EXOC4: variants seen among roughly 807,000 people sequenced by gnomAD.
The protein encoded by EXOC4 is SEC8-like 1.
EXOC4 carries 71 observed loss-of-function variants against 107.2 expected under a neutral mutation model. The observed-to-expected ratio is 0.66, with a 90% CI of 0.55 to 0.81. EXOC4 has a LOEUF of 0.81. Ranked by LOEUF, EXOC4 falls within the 30% of genes least tolerant of loss-of-function variation. EXOC4 has a pLI of 0.00. For synonymous variants in EXOC4, 456 were observed against 441.2 expected, an observed-to-expected ratio of 1.03 and a Z score of -0.42; for missense variants, 1,108 against 1,189.6, an observed-to-expected ratio of 0.93 and a Z score of 1.01.
intron 14 of EXOC4, among the ~76,000 whole-genome samples, chr7:133,960,158 A>G (rs1465721157): frequency 6.6e-6 from 1 of 152,182 alleles, no homozygotes; most frequent in African/African-American, 2.4e-5. Context: ...GAGGAGCAGG[A>G]TGTTGATTAG....
intron 11 of EXOC4, among the ~76,000 whole-genome samples, chr7:133,860,386 A>G (rs1222580573): frequency 6.6e-6 from 1 of 152,208 alleles, no homozygotes; most frequent in African/African-American, 2.4e-5. Flanking sequence ...CATCAAACTA[A>G]AAGTTCTGAG....
At chr7:133,705,072 A>G (rs530298708) in intron 10 of EXOC4, among the ~76,000 whole-genome samples, 13 of 152,168 alleles carry the variant, frequency 8.5e-5, no homozygotes, top group Non-Finnish European at 1.6e-4. Flanking sequence ...CTTTTTAAAA[A>G]TTAAGAGAGA....
chr7:134,072,724 A>G, the EXOC4 span, among the ~76,000 whole-genome samples: 4 of 152,198 alleles, frequency 2.6e-5, no homozygotes, highest in Non-Finnish European at 4.4e-5. Flanking sequence ...TTGAAATGGG[A>G]TAACAGTGAT....
intron 7 of EXOC4, among the ~76,000 whole-genome samples, chr7:133,471,482 A>T: frequency 6.6e-6 from 1 of 152,284 alleles, no homozygotes; most frequent in Non-Finnish European, 1.5e-5. Flanking sequence ...TTAAAATAGT[A>T]TTTTCCAGCT....
At chr7:133,275,568 T>A (rs1179070031) in intron 2 of EXOC4, among the ~76,000 whole-genome samples, 2 of 152,202 alleles carry the variant, frequency 1.3e-5, no homozygotes, top group African/African-American at 4.8e-5. Flanking sequence ...ATATTCTGAC[T>A]GTTGATTCAA....
At chr7:133,679,423 T>G (rs1411179813) in intron 10 of EXOC4, among the ~76,000 whole-genome samples, 1 of 152,298 alleles carries the variant, frequency 6.6e-6, no homozygotes, top group Middle Eastern at 3.4e-3. Context: ...GATGTTAATG[T>G]TCTGGAGGCC....
chr7:133,759,249 T>C (rs1300790293), intron 10 of EXOC4, among the ~76,000 whole-genome samples: 1 of 152,114 alleles, frequency 6.6e-6, no homozygotes, highest in East Asian at 1.9e-4. Context: ...TCCCGAAGTT[T>C]TGGGATTACA....
chr7:133,428,936 T>A (rs188823040), intron 7 of EXOC4, among the ~76,000 whole-genome samples: 1 of 152,358 alleles, frequency 6.6e-6, no homozygotes, highest in East Asian at 1.9e-4. Context: ...ATGAATGTTA[T>A]ACATATGTGT....
intron 5 of EXOC4, among the ~76,000 whole-genome samples, chr7:133,330,663 TC>T (rs1795361529): frequency 6.6e-6 from 1 of 151,618 alleles, no homozygotes; most frequent in Admixed American, 6.6e-5. Context: ...TCCCTCACAG[TC>T]CCTCACAGTC....
intron 10 of EXOC4, among the ~76,000 whole-genome samples, chr7:133,798,179 G>A (rs965569350): frequency 2.9e-4 from 44 of 151,816 alleles, no homozygotes; most frequent in Middle Eastern, 3.4e-3. Flanking sequence ...GATAATATTA[G>A]AGTTAGTCCT....
At chr7:133,343,094 C>G (rs1795702832) in intron 5 of EXOC4, among the ~76,000 whole-genome samples, 1 of 152,020 alleles carries the variant, frequency 6.6e-6, no homozygotes, top group South Asian at 2.1e-4. Flanking sequence ...GTTACAGAAC[C>G]TTGTTTTGTC....
chr7:133,459,052 A>C lies in EXOC4; in HGVS notation c.1183-16276A>C, dbSNP rs565800280. ...TGTTATTAAGAGCTGGCATTTAAAGAAGACTAGGCCCTGGCTACTGTTGCT... is the reference window on the plus strand; with the variant it reads ...TGTTATTAAGAGCTGGCATTTAAAGCAGACTAGGCCCTGGCTACTGTTGCT... On this transcript the variant is annotated intron_variant, in intron 7 of 17. Transcript: ENST00000253861. Among the ~76,000 whole-genome samples the C allele has an allele frequency of 7.9e-5, 12 of 152,332 alleles. No homozygotes were observed. The South Asian group carries it at 2.5e-3, about 32-fold the overall frequency.
intron 10 of EXOC4, among the ~76,000 whole-genome samples, chr7:133,632,252 T>C (rs1000803790): frequency 6.6e-6 from 1 of 152,186 alleles, no homozygotes. Context: ...GTGGTTTTAC[T>C]CACTTACTTG....
At chr7:133,625,734 C>T (rs971279358) in intron 9 of EXOC4, among the ~76,000 whole-genome samples, 15 of 152,162 alleles carry the variant, frequency 9.9e-5, no homozygotes, top group Middle Eastern at 3.2e-3. Flanking sequence ...GTCAAATCAT[C>T]GTCCTTGTAA....
chr7:134,026,704 A>G (rs1795144420), intron 17 of EXOC4, among the ~76,000 whole-genome samples: 1 of 152,202 alleles, frequency 6.6e-6, no homozygotes, highest in African/African-American at 2.4e-5. Context: ...GGAAAGAGGT[A>G]GAAGTGCTGC....
At chr7:133,968,723 T>A (rs150107968) in intron 14 of EXOC4, among the ~76,000 whole-genome samples, 1 of 152,246 alleles carries the variant, frequency 6.6e-6, no homozygotes, top group Non-Finnish European at 1.5e-5. Flanking sequence ...GTTAATCTGA[T>A]GGGCTTCCCT....
intron 2 of EXOC4, among the ~76,000 whole-genome samples, chr7:133,285,690 G>C (rs115636470): frequency 0.012 from 1,776 of 151,558 alleles, 27 homozygotes; most frequent in African/African-American, 0.04. Flanking sequence ...TGAGCACTTG[G>C]TGTGCCTTTT....
intron 2 of EXOC4, among the ~76,000 whole-genome samples, chr7:133,281,044 A>G (rs749657385): frequency 2.6e-5 from 4 of 152,128 alleles, no homozygotes; most frequent in Non-Finnish European, 4.4e-5. Context: ...TGTGTAAAGG[A>G]AGGTATTGGA....
intron 17 of EXOC4, among the ~76,000 whole-genome samples, chr7:134,047,536 C>T (rs548781427): frequency 1.8e-4 from 28 of 152,288 alleles, no homozygotes; most frequent in African/African-American, 6.5e-4. Context: ...GCACAAATCC[C>T]CATTCTACAA....
Sources: gnomAD v4.1 joint callset for allele counts (sites outside exome capture counted in the v4.1 genomes callset) on GRCh38, gnomAD v4.1.1 for gene constraint, MANE v1.5 for transcripts, NCBI Gene and HGNC (gene_info 2026-07-23, HGNC 2026-07-21) for gene names.